The following EFCAB6 variants were observed in gnomAD, a reference collection of about 807,000 sequenced individuals.
EFCAB6 encodes EF-hand calcium-binding domain-containing protein 6.
Under a neutral mutation model 169.8 loss-of-function variants are expected in EFCAB6, and 156 were observed. The observed-to-expected ratio is 0.92, with a 90% CI of 0.81 to 1.05. The LOEUF is 1.05. Ranked by LOEUF, EFCAB6 falls within the 50% of genes least tolerant of loss-of-function variation. The probability of loss-of-function intolerance (pLI) is 0.00; values close to 1 mark genes in which losing one functional copy is unlikely to be tolerated. For synonymous variants in EFCAB6, 698 were observed against 676.4 expected, an observed-to-expected ratio of 1.03 and a Z score of -0.50; for missense variants, 1,800 against 1,829.1, an observed-to-expected ratio of 0.98 and a Z score of 0.29.
chr22:43,742,650 A>G (rs1021912748), intron 6 of EFCAB6, among the ~76,000 whole-genome samples: 1 of 152,246 alleles, frequency 6.6e-6, no homozygotes, highest in African/African-American at 2.4e-5. Flanking sequence ...TCCTGGCCAG[A>G]GACCTGGTCC....
At chr22:43,661,679 G>C (rs2057008821) in intron 17 of EFCAB6, among the ~76,000 whole-genome samples, 1 of 152,174 alleles carries the variant, frequency 6.6e-6, no homozygotes, top group Admixed American at 6.5e-5. Context: ...TTCACCCCTA[G>C]TGAGCTCTGC....
At chr22:43,733,986 C>T (rs566249632) in intron 7 of EFCAB6, among the ~76,000 whole-genome samples, 18 of 152,224 alleles carry the variant, frequency 1.2e-4, no homozygotes, top group Admixed American at 5.9e-4. Flanking sequence ...GGATTACAAG[C>T]GTGATCCACC....
At chr22:43,555,379 G>T (rs1193179219) in intron 26 of EFCAB6, among the ~76,000 whole-genome samples, 5 of 152,202 alleles carry the variant, frequency 3.3e-5, no homozygotes, top group African/African-American at 7.2e-5. Flanking sequence ...CCAGCCCTGG[G>T]GAGGGCACAC....
chr22:43,533,120 G>C (rs1015109997), intron 30 of EFCAB6, among the ~76,000 whole-genome samples: 1 of 152,242 alleles, frequency 6.6e-6, no homozygotes, highest in Non-Finnish European at 1.5e-5. Context: ...TGGAAGAACT[G>C]TGTACCCTCC....
intron 26 of EFCAB6, among the ~76,000 whole-genome samples, chr22:43,569,190 A>G (rs755655543): frequency 6.6e-6 from 1 of 152,226 alleles, no homozygotes; most frequent in Non-Finnish European, 1.5e-5. Context: ...GGACACATGC[A>G]TGGAAGGAGC....
intron 21 of EFCAB6, among the ~76,000 whole-genome samples, chr22:43,614,047 T>C (rs1304655331): frequency 2.0e-5 from 3 of 152,040 alleles, no homozygotes; most frequent in Admixed American, 2.0e-4. Flanking sequence ...TCCATGTTTA[T>C]GGATAGGAAG....
intron 26 of EFCAB6, among the ~76,000 whole-genome samples, chr22:43,575,840 C>T (rs559175689): frequency 1.3e-5 from 2 of 152,276 alleles, no homozygotes; most frequent in African/African-American, 4.8e-5. Context: ...CAGCTTGTAT[C>T]TCATAGTGAC....
rs1164970768 is a variant in EFCAB6 at position 43,671,954 on chromosome 22, T to A, written c.1640+19A>T. 1 of 1,609,922 alleles carries A rather than the reference T, an allele frequency of 6.2e-7. No homozygotes were observed. Among genetic ancestry groups the A allele is most frequent in the African/African-American group, 1.3e-5 (1 of 74,778 alleles). ...GATGAAAAACACGACATGAATTAAT[T>A]TTGTTACAAAAAACTTACTTTATGA... On this transcript the variant is annotated intron_variant, in intron 15 of 31. Coordinates refer to ENST00000262726, the MANE Select transcript of EFCAB6 (RefSeq NM_022785.4).
At chr22:43,541,715 C>A (rs970060117) in intron 27 of EFCAB6, among the ~76,000 whole-genome samples, 3 of 152,182 alleles carry the variant, frequency 2.0e-5, no homozygotes, top group Non-Finnish European at 2.9e-5. Flanking sequence ...TCTGTGTCCT[C>A]CAGGACCACT....
chr22:43,604,346 T>C (rs978719648), intron 22 of EFCAB6, among the ~76,000 whole-genome samples: 2 of 152,084 alleles, frequency 1.3e-5, no homozygotes, highest in African/African-American at 4.8e-5. Flanking sequence ...AAGAGCCAAA[T>C]TCCACCCATT....
Position 43,615,883 on chromosome 22 carries a change from C to T in EFCAB6, c.2505G>A (p.Glu835=). ...QKVADSELAC[E]QAHQYLVTKA... ...TGGTAACAAGATACTGATGAGCCTG[C>T]TCACAAGCTAGTTCTGAATCCGCAA... Residue 835 remains glutamate (E), a synonymous_variant, in exon 21 of 32, where the codon GAG becomes GAA. Transcript: ENST00000262726. 1 of 1,613,764 alleles carries T rather than the reference C, an allele frequency of 6.2e-7. No homozygotes were observed. The highest frequency in any genetic ancestry group is 1.1e-5 in the South Asian group (1 of 91,026).
chr22:43,537,501 C>T lies in EFCAB6; in HGVS notation c.3924G>A (p.Gln1308=). 6.2e-7 allele frequency: 1 copy of T among 1,614,138 alleles called. No homozygotes were observed. Among genetic ancestry groups the T allele is most frequent in the East Asian group, 2.2e-5 (1 of 44,880 alleles). The part of the protein sequence containing the change: ...TTVIPGTPPL[Q]NCDPIESRLR... ...GCCTGCTCTCTATGGGATCACAGTT[C>T]TGCAAGGGTGGAGTGCCCGGGATCA... Residue 1308 remains glutamine (Q), a synonymous_variant, in exon 29 of 32, where the codon CAG becomes CAA. Transcript: ENST00000262726. This position sits in a 1 kb window ranked among gnomAD's most constrained non-coding sequence, Gnocchi z 4.3.
chr22:43,554,764 AT>A (rs1162519760), intron 27 of EFCAB6, 104 bp downstream of exon 27: 4 of 974,398 alleles, frequency 4.1e-6, no homozygotes, highest in Non-Finnish European at 6.2e-6. Flanking sequence ...AACTGCAAGC[AT>A]TTTAAAAATA....
At chr22:43,582,300 TA>T (rs952967124) in intron 24 of EFCAB6, among the ~76,000 whole-genome samples, 1 of 151,982 alleles carries the variant, frequency 6.6e-6, no homozygotes, top group African/African-American at 2.4e-5. Flanking sequence ...AAAAAACATA[TA>T]GGCATTTGAG....
At chr22:43,535,069 C>A in intron 29 of EFCAB6, 197 bp from the exon 30 acceptor site, 1 of 591,980 alleles carries the variant, frequency 1.7e-6, no homozygotes, top group South Asian at 2.1e-5. Context: ...GGAGGGGGAC[C>A]CTGAGTCCCG....
rs535937189 is a variant in EFCAB6, at chr22:43,554,815, A to G, written c.3648+54T>C. 12 of 1,474,092 alleles carry G rather than the reference A, an allele frequency of 8.1e-6. No individual in the cohort carries two copies. The Admixed American group carries it at 1.7e-4, about 21-fold the overall frequency. 91.3% of individuals were successfully genotyped at this position (1,474,092 alleles called of 1,614,324 possible). On this transcript the variant is annotated intron_variant, in intron 27 of 31. Transcript: ENST00000262726. Reference sequence around the variant, plus strand: ...ACTCTGTACATTCTGGCCAGGGACCAGGCTGACGCTCAGCCAACGGTGTGC... The same window carrying G: ...ACTCTGTACATTCTGGCCAGGGACCGGGCTGACGCTCAGCCAACGGTGTGC...
chr22:43,684,233 C>G (rs1366225193), intron 11 of EFCAB6, among the ~76,000 whole-genome samples: 1 of 152,206 alleles, frequency 6.6e-6, no homozygotes, highest in Non-Finnish European at 1.5e-5. Context: ...GTAGCTGTCT[C>G]ATCCACATGA....
At chr22:43,556,327 C>A (rs1305405731) in intron 26 of EFCAB6, among the ~76,000 whole-genome samples, 1 of 152,158 alleles carries the variant, frequency 6.6e-6, no homozygotes, top group South Asian at 2.1e-4. Context: ...ATCAACAGGG[C>A]AGCCCGTGGA....
chr22:43,667,138 G>C lies in EFCAB6; in HGVS notation c.1949C>G (p.Pro650Arg). 1 of 1,613,952 alleles carries C rather than the reference G, an allele frequency of 6.2e-7. No individual in the cohort carries two copies. Among genetic ancestry groups the C allele is most frequent in the South Asian group, 1.1e-5 (1 of 91,058 alleles). Residue 650 changes from proline to arginine, a missense_variant, in exon 17 of 32, where the codon CCT becomes CGT. Pro to Arg is a moderately radical substitution (Grantham distance 103). Transcript: ENST00000262726. The stretch of plus-strand genomic sequence containing the variant: ...GTCATGCACGTTAATTTTTCCATTA[G>C]GCTCCTTGCTGAAGTCAAGAAATCG... ...KKRFLDFSKE[P>R]NGKINVHDFK... is the part of the protein sequence containing the mutation.
Sources: allele counts gnomAD v4.1 joint callset (sites outside exome capture counted in the v4.1 genomes callset), GRCh38; gene constraint gnomAD v4.1.1; non-coding constraint Gnocchi (gnomAD v3.1); transcripts MANE v1.5; gene names NCBI Gene and HGNC (gene_info 2026-07-23, HGNC 2026-07-21).